STARD9: variants seen among roughly 807,000 people sequenced by gnomAD.
STARD9 encodes stAR-related lipid transfer protein 9.
In STARD9, 346 loss-of-function variants were observed where a neutral mutation model predicts 399.8. That is an observed-to-expected ratio of 0.87 (90% CI 0.79 to 0.95). The LOEUF (loss-of-function observed/expected upper bound fraction) is 0.95. Ranked by LOEUF, STARD9 falls within the 40% of genes least tolerant of loss-of-function variation. STARD9 has a pLI of 0.00. For synonymous variants in STARD9, 2,203 were observed against 2,143.5 expected, an observed-to-expected ratio of 1.03 and a Z score of -0.77; for missense variants, 5,832 against 5,667.5, an observed-to-expected ratio of 1.03 and a Z score of -0.93.
chr15:42,711,751 G>A (rs2061228268), intron 26 of STARD9, among the ~76,000 whole-genome samples: 1 of 151,778 alleles, frequency 6.6e-6, no homozygotes. Flanking sequence ...GTTGTTTTGT[G>A]CTTTTTGCCT....
At chr15:42,578,405 C>G (rs948102370) in intron 1 of STARD9, among the ~76,000 whole-genome samples, 1 of 151,984 alleles carries the variant, frequency 6.6e-6, no homozygotes, top group African/African-American at 2.4e-5. Flanking sequence ...CCCAGCCTGA[C>G]CCTCAATAAA....
At chr15:42,639,168 AGTCGTGTGAAGAATGAC>A (rs1566894931) in intron 7 of STARD9, among the ~76,000 whole-genome samples, 1 of 152,252 alleles carries the variant, frequency 6.6e-6, no homozygotes, top group African/African-American at 2.4e-5. Flanking sequence ...AAAGGAGTAT[AGTCGTGTGAAGAATGAC>A]GTAACGTGGT....
chr15:42,636,863 C>G (rs1354323651), intron 4 of STARD9, among the ~76,000 whole-genome samples: 1 of 151,974 alleles, frequency 6.6e-6, no homozygotes, highest in South Asian at 2.1e-4. Context: ...CTCAGGAGTT[C>G]AAGACCAGCC....
intron 26 of STARD9, among the ~76,000 whole-genome samples, chr15:42,715,989 G>GAT (rs1425109195): frequency 2.6e-5 from 4 of 152,178 alleles, no homozygotes; most frequent in Admixed American, 2.6e-4. Context: ...GTGAGAAGGA[G>GAT]ATGAGGGTGG....
At position 42,688,014 on chromosome 15, in the gene STARD9, A is replaced by G; in HGVS notation, c.6436A>G (p.Lys2146Glu). 6.5e-7 allele frequency: 1 copy of G among 1,537,554 alleles called. No homozygotes were observed. Among genetic ancestry groups the G allele is most frequent in the Non-Finnish European group, 8.7e-7 (1 of 1,146,982 alleles). ...NSIGNHPQVQ[K>E]ITPNPFRSRE... is the part of the protein sequence containing the mutation. ...CATTGGGAACCATCCCCAGGTCCAG[A>G]AAATCACCCCAAACCCCTTCAGGTC... The change falls in exon 23 of 33, where the codon AAA becomes GAA. Residue 2146 changes from lysine (K) to glutamate (E), a missense_variant. Physicochemically the swap from Lys to Glu is moderately conservative, Grantham distance 56. Around this residue, in one of 2 missense-constraint regions of STARD9, gnomAD observed 5,828 missense variants for 5,651.1 expected, o/e 1.03. Coordinates refer to ENST00000290607, the MANE Select transcript of STARD9 (RefSeq NM_020759.3).
At chr15:42,585,455 C>G in intron 2 of STARD9, 66 bp from the exon 3 acceptor site, 1 of 1,039,612 alleles carries the variant, frequency 9.6e-7, no homozygotes, top group Non-Finnish European at 1.4e-6. Flanking sequence ...AGAGGGTGAT[C>G]AAGTGCCACT....
At chr15:42,681,814 T>C (rs909778500) in intron 21 of STARD9, among the ~76,000 whole-genome samples, 1 of 152,148 alleles carries the variant, frequency 6.6e-6, no homozygotes, top group Non-Finnish European at 1.5e-5. Context: ...ATTTCCTTAT[T>C]GTCCTCAGAA....
intron 13 of STARD9, 110 bp from the exon 14 acceptor site, chr15:42,665,143 A>T: frequency 1.3e-6 from 1 of 792,310 alleles, no homozygotes; most frequent in Non-Finnish European, 2.1e-6. Context: ...ACTGCTGTAG[A>T]GACTACTCCA....
chr15:42,606,215 A>G (rs1024236011), intron 3 of STARD9, among the ~76,000 whole-genome samples: 7 of 152,230 alleles, frequency 4.6e-5, no homozygotes, highest in Admixed American at 2.6e-4. Context: ...ACTGAGGTTC[A>G]GAGATGAAGC....
At chr15:42,633,660 T>G (rs1187767468) in intron 3 of STARD9, among the ~76,000 whole-genome samples, 1 of 151,622 alleles carries the variant, frequency 6.6e-6, no homozygotes, top group Non-Finnish European at 1.5e-5. Flanking sequence ...TTTTTTTTTT[T>G]TGAGATGGAG....
At position 42,689,905 on chromosome 15, in the gene STARD9, G is replaced by A. The variant is rs1198548032; in HGVS notation, c.8327G>A (p.Ser2776Asn). ...ACTGCAGAGGGCATACCCCCTGGCA[G>A]TCAGGACAGCAGCCCAGAGCATCAG... ...QETAEGIPPG[S>N]QDSSPEHQEP... Residue 2776 changes from serine (S) to asparagine (N), a missense_variant, in exon 23 of 33, where the codon AGT becomes AAT. By Grantham distance (46) the Ser-to-Asn change is conservative. Transcript: ENST00000290607. 6.5e-7 allele frequency: 1 copy of A among 1,537,750 alleles called. No homozygotes were observed. The highest frequency in any genetic ancestry group is 1.2e-5 in the South Asian group (1 of 84,060).
chr15:42,607,249 C>G lies in STARD9; in HGVS notation c.234+21612C>G, dbSNP rs2058748802. On this transcript the variant is annotated intron_variant, in intron 3 of 32. Transcript: ENST00000290607. Reference sequence around the variant, plus strand: ...ATGGAGTCTCTCTCTGTCACCCAGGCTGGAGTACAGTGGTGCGATCTCAGT... The same window carrying G: ...ATGGAGTCTCTCTCTGTCACCCAGGGTGGAGTACAGTGGTGCGATCTCAGT... Among the ~76,000 whole-genome samples the G allele has an allele frequency of 1.4e-5, 2 of 138,198 alleles. 1 individual carries two copies. The highest frequency in any genetic ancestry group is 5.7e-5 in the African/African-American group (2 of 35,322). The allele number at this position is 138,198 out of a possible 152,430, so 90.7% of individuals were successfully genotyped here. A position where few individuals can be genotyped will look rare whatever the true frequency, so the allele number is the denominator to read the frequency against.
At position 42,686,120 on chromosome 15, in the gene STARD9, G is replaced by A; in HGVS notation, c.4542G>A (p.Glu1514=). 2.6e-6 allele frequency: 4 copies of A among 1,537,274 alleles called. No homozygotes were observed. In the South Asian group the frequency reaches 3.6e-5, roughly 14 times the overall value. Residue 1514 remains glutamate (E), a synonymous_variant, in exon 23 of 33, where the codon GAG becomes GAA. Transcript: ENST00000290607. ...CCAAGCCAGCTTACCCCTACCTTGA[G>A]GAAGACTCTGGTTCCCTGGCCCAAG... ...GAPKPAYPYL[E]EDSGSLAQAS... is the part of the protein sequence containing the mutation.
intron 1 of STARD9, among the ~76,000 whole-genome samples, chr15:42,582,142 A>G (rs1356478647): frequency 1.3e-5 from 2 of 152,140 alleles, no homozygotes; most frequent in Admixed American, 6.5e-5. Flanking sequence ...CTGTCTCTAA[A>G]TAAATCAATA....
chr15:42,653,474 G>A (rs1309170027), intron 9 of STARD9, among the ~76,000 whole-genome samples: 1 of 152,142 alleles, frequency 6.6e-6, no homozygotes, highest in African/African-American at 2.4e-5. Context: ...TCCACACCTA[G>A]ACACATCATA....
chr15:42,617,118 C>G (rs1348934032), intron 3 of STARD9, among the ~76,000 whole-genome samples: 1 of 152,134 alleles, frequency 6.6e-6, no homozygotes, highest in African/African-American at 2.4e-5. Flanking sequence ...TAACAATTCA[C>G]CTTACACAGT....
intron 7 of STARD9, among the ~76,000 whole-genome samples, chr15:42,645,152 A>G (rs923070623): frequency 6.6e-6 from 1 of 152,236 alleles, no homozygotes; most frequent in African/African-American, 2.4e-5. Flanking sequence ...CTCATGAGTC[A>G]TGAATGTCCT....
In STARD9 at chr15:42,686,065, C is replaced by T. The variant is rs1281945558; in HGVS notation, c.4487C>T (p.Ser1496Phe). The T allele has an allele frequency of 1.3e-6, 2 of 1,537,156 alleles. No individual in the cohort carries two copies. Among genetic ancestry groups the T allele is most frequent in the Admixed American group, 3.9e-5 (2 of 50,988 alleles). The change falls in exon 23 of 33, where the codon TCT (serine) becomes TTT (phenylalanine). Residue 1496 changes from serine to phenylalanine, a missense_variant. This residue lies in a region of STARD9 where 5,828 missense variants were observed against 5,651.1 expected (regional missense o/e 1.03). Coordinates refer to ENST00000290607, the MANE Select transcript of STARD9 (RefSeq NM_020759.3). ...ALQQKYLLELSCPVLEAIGAP... is the reference protein window; with the variant it reads ...ALQQKYLLELFCPVLEAIGAP... ...CAGCAGAAGTACCTCCTTGAACTCT[C>T]TTGTCCTGTTTTGGAGGCCATAGGA... is the stretch of plus-strand genomic sequence containing the variant.
At chr15:42,645,311 A>G (rs1208153769) in intron 7 of STARD9, among the ~76,000 whole-genome samples, 1 of 152,254 alleles carries the variant, frequency 6.6e-6, no homozygotes, top group Non-Finnish European at 1.5e-5. Flanking sequence ...TCCTTGGTCC[A>G]TTGGCCATAG....
Sources: allele counts gnomAD v4.1 joint callset (sites outside exome capture counted in the v4.1 genomes callset), GRCh38; gene constraint gnomAD v4.1.1; regional missense constraint gnomAD v4.1.1; transcripts MANE v1.5; gene names NCBI Gene and HGNC (gene_info 2026-07-23, HGNC 2026-07-21).